Variants in FAM171A1 observed in about 807,000 individuals in gnomAD.
The protein encoded by FAM171A1 is family with sequence similarity 171 member A1.
Under a neutral mutation model 74.9 loss-of-function variants are expected in FAM171A1, and 23 were observed. The ratio of observed to expected loss-of-function variants is 0.31; its 90% CI spans 0.22 to 0.44. The LOEUF is 0.44. Among genes scored for constraint, FAM171A1 ranks in the 20% least tolerant of loss-of-function variants. The pLI is 1.00. For missense variants in FAM171A1, 1,162 were observed against 1,159.2 expected (o/e 1.00, Z -0.03); for synonymous variants, 527 against 505.7 (o/e 1.04, Z -0.57).
At chr10:15,329,246 C>A (rs888323918) in intron 1 of FAM171A1, among the ~76,000 whole-genome samples, 1 of 152,194 alleles carries the variant, frequency 6.6e-6, no homozygotes, top group Non-Finnish European at 1.5e-5. Flanking sequence ...AGAGTGCTGA[C>A]CAACCAGCCG....
In FAM171A1 at chr10:15,251,835, G is replaced by A. The variant is rs1176199298; in HGVS notation, c.577+2886C>T. ...GTGGTCATCCTTCCCGTTCCATCTG[G>A]ATGTTGCCTGGCTCCCTTTAAGTCT... On this transcript the variant is annotated intron_variant, in intron 4 of 7. Coordinates refer to ENST00000378116, the MANE Select transcript of FAM171A1 (RefSeq NM_001010924.2). 2.0e-5 allele frequency among the ~76,000 whole-genome samples: 3 copies of A among 152,160 alleles called. No individual in the cohort carries two copies. In the East Asian group the frequency reaches 5.8e-4, roughly 29 times the overall value.
intron 5 of FAM171A1, among the ~76,000 whole-genome samples, chr10:15,229,171 A>G (rs757661426): frequency 6.6e-5 from 10 of 152,090 alleles, no homozygotes; most frequent in Admixed American, 2.0e-4. Flanking sequence ...TCACACTGTG[A>G]GAGATTTGGG....
chr10:15,340,640 A>C (rs1835754670), intron 1 of FAM171A1, among the ~76,000 whole-genome samples: 1 of 151,998 alleles, frequency 6.6e-6, no homozygotes, highest in Non-Finnish European at 1.5e-5. Flanking sequence ...TTCGCAGCCC[A>C]CTCCACAACC....
intron 2 of FAM171A1, among the ~76,000 whole-genome samples, chr10:15,277,948 G>T (rs537743246): frequency 6.6e-6 from 1 of 152,220 alleles, no homozygotes; most frequent in African/African-American, 2.4e-5. Context: ...TAGTGATGGG[G>T]TTTCGTCACA....
chr10:15,314,607 G>GT (rs1188062345), intron 1 of FAM171A1, among the ~76,000 whole-genome samples: 5 of 152,186 alleles, frequency 3.3e-5, no homozygotes, highest in Non-Finnish European at 7.3e-5. Context: ...GCATTTCCCT[G>GT]TGTGACAGGA....
rs1169098742 is a variant in FAM171A1, at chr10:15,312,673, G to GTTTTTT, written c.98-28574_98-28569dup. ...TACTGGAATGAGTTCAGCACTGTGT[G>GTTTTTT]TTTTTTTTTTTTTTTTTTTTTTTTT... On this transcript the variant is annotated intron_variant, in intron 1 of 7. Coordinates refer to ENST00000378116, the MANE Select transcript of FAM171A1 (RefSeq NM_001010924.2). Among the ~76,000 whole-genome samples the GTTTTTT allele has an allele frequency of 1.7e-3, 62 of 36,396 alleles. 2 individuals carry two copies. The highest frequency in any genetic ancestry group is 2.6e-3 in the African/African-American group (22 of 8,552). The allele number at this position is 36,396 out of a possible 152,430, so 23.9% of individuals were successfully genotyped here. A position where few individuals can be genotyped will look rare whatever the true frequency, so the allele number is the denominator to read the frequency against.
chr10:15,243,938 G>A (rs1342617005), intron 5 of FAM171A1, among the ~76,000 whole-genome samples: 1 of 152,164 alleles, frequency 6.6e-6, no homozygotes, highest in Non-Finnish European at 1.5e-5. Flanking sequence ...TTTTAGTAGA[G>A]ACGAGGTTTC....
In FAM171A1 at chr10:15,354,976, T is replaced by C. The variant is rs541652859; in HGVS notation, c.97+15980A>G. On this transcript the variant is annotated intron_variant, in intron 1 of 7. Coordinates refer to ENST00000378116, the MANE Select transcript of FAM171A1 (RefSeq NM_001010924.2). ...ATAGATATGCTTAGAACTTAACCTTTAAAAGTTATGAGAATACTTTGAAGA... is the reference window on the plus strand; with the variant it reads ...ATAGATATGCTTAGAACTTAACCTTCAAAAGTTATGAGAATACTTTGAAGA... 3.9e-5 allele frequency among the ~76,000 whole-genome samples: 6 copies of C among 152,342 alleles called. No individual in the cohort carries two copies. The South Asian group carries it at 8.3e-4, about 21-fold the overall frequency.
intron 3 of FAM171A1, among the ~76,000 whole-genome samples, chr10:15,261,237 G>A (rs1205365864): frequency 2.0e-5 from 3 of 152,210 alleles, no homozygotes; most frequent in Non-Finnish European, 4.4e-5. Flanking sequence ...CCACCTGAAG[G>A]AAAACTAAAG....
At chr10:15,358,883 C>A (rs1356784690) in intron 1 of FAM171A1, among the ~76,000 whole-genome samples, 1 of 152,194 alleles carries the variant, frequency 6.6e-6, no homozygotes, top group Non-Finnish European at 1.5e-5. Context: ...TCCTCTAAGT[C>A]ATAAAGCAGC....
At chr10:15,369,205 A>G (rs1173854988) in intron 1 of FAM171A1, among the ~76,000 whole-genome samples, 2 of 148,204 alleles carry the variant, frequency 1.3e-5, no homozygotes, top group Non-Finnish European at 3.0e-5. Flanking sequence ...CCTGTTATAT[A>G]TATATTGAAT....
intron 1 of FAM171A1, among the ~76,000 whole-genome samples, chr10:15,303,775 C>T (rs1835261036): frequency 6.6e-6 from 1 of 152,192 alleles, no homozygotes; most frequent in African/African-American, 2.4e-5. Flanking sequence ...AATCACTTGG[C>T]TCAGACCAAG....
chr10:15,350,424 G>A (rs1005577098), intron 1 of FAM171A1, among the ~76,000 whole-genome samples: 6 of 151,264 alleles, frequency 4.0e-5, no homozygotes, highest in African/African-American at 7.3e-5. Context: ...TGCAACCTGC[G>A]CCTGCCTCCT....
chr10:15,226,376 T>C (rs1329149986), intron 5 of FAM171A1, among the ~76,000 whole-genome samples: 1 of 152,234 alleles, frequency 6.6e-6, no homozygotes, highest in African/African-American at 2.4e-5. Context: ...TACTGAAATT[T>C]CTACATCATT....
intron 3 of FAM171A1, among the ~76,000 whole-genome samples, chr10:15,270,977 CTCAAAAGG>C (rs1305220162): frequency 1.3e-5 from 2 of 152,194 alleles, no homozygotes; most frequent in Non-Finnish European, 2.9e-5. Context: ...GCCTATTCTC[CTCAAAAGG>C]AATGCAGCTC....
At chr10:15,362,824 G>C (rs1836011211) in intron 1 of FAM171A1, among the ~76,000 whole-genome samples, 1 of 152,206 alleles carries the variant, frequency 6.6e-6, no homozygotes, top group Non-Finnish European at 1.5e-5. Flanking sequence ...AGAGACTCAT[G>C]CCTAATTACA....
At chr10:15,333,344 G>C (rs560026847) in intron 1 of FAM171A1, among the ~76,000 whole-genome samples, 42 of 152,160 alleles carry the variant, frequency 2.8e-4, no homozygotes, top group Non-Finnish European at 5.6e-4. Context: ...TACTAAAAAT[G>C]CAAAAATTAG....
intron 5 of FAM171A1, among the ~76,000 whole-genome samples, chr10:15,247,474 T>C (rs1001442125): frequency 6.6e-6 from 1 of 151,582 alleles, no homozygotes; most frequent in Non-Finnish European, 1.5e-5. Context: ...CTAAATATGC[T>C]TTGTAGAAGG....
intron 1 of FAM171A1, among the ~76,000 whole-genome samples, chr10:15,318,113 T>C (rs1040266700): frequency 1.3e-5 from 2 of 152,120 alleles, no homozygotes; most frequent in Admixed American, 1.3e-4. Flanking sequence ...GTTTTATCAC[T>C]AGAGGTATGC....
Sources: gnomAD v4.1 joint callset for allele counts (sites outside exome capture counted in the v4.1 genomes callset) on GRCh38, gnomAD v4.1.1 for gene constraint, MANE v1.5 for transcripts, NCBI Gene and HGNC (gene_info 2026-07-23, HGNC 2026-07-21) for gene names.